The following C1orf21 variants were observed in gnomAD, a reference collection of about 807,000 sequenced individuals.
The protein encoded by C1orf21 is uncharacterized protein C1orf21.
C1orf21 carries 3 observed loss-of-function variants against 18.7 expected under a neutral mutation model. The ratio of observed to expected loss-of-function variants is 0.16; its 90% CI spans 0.07 to 0.42. The LOEUF (loss-of-function observed/expected upper bound fraction) is 0.42. Among genes scored for constraint, C1orf21 ranks in the 10% least tolerant of loss-of-function variants. C1orf21 has a pLI of 0.99. For missense variants in C1orf21, 104 were observed against 143.6 expected (o/e 0.72, Z 1.41); for synonymous variants, 41 against 46.4 (o/e 0.88, Z 0.47).
At chr1:184,501,396 A>G (rs759823504) in intron 2 of C1orf21, among the ~76,000 whole-genome samples, 1 of 152,098 alleles carries the variant, frequency 6.6e-6, no homozygotes, top group Non-Finnish European at 1.5e-5. Flanking sequence ...CTTCCCACAC[A>G]TAGGAGCTGT....
At chr1:184,556,329 A>G (rs182459298) in intron 3 of C1orf21, among the ~76,000 whole-genome samples, 1 of 152,296 alleles carries the variant, frequency 6.6e-6, no homozygotes, top group Admixed American at 6.5e-5. Flanking sequence ...ATCAAAGCAT[A>G]TCCAAAAACC....
intron 3 of C1orf21, among the ~76,000 whole-genome samples, chr1:184,571,147 AT>A (rs1444356740): frequency 1.3e-5 from 2 of 151,828 alleles, no homozygotes; most frequent in South Asian, 2.1e-4. Context: ...ACAAAAAAAA[AT>A]TAGCCGGGCG....
intron 1 of C1orf21, among the ~76,000 whole-genome samples, chr1:184,397,880 A>G (rs915304354): frequency 2.6e-5 from 4 of 152,220 alleles, no homozygotes; most frequent in African/African-American, 9.6e-5. Context: ...AATAGCCATC[A>G]ATTGTAAGAA....
Position 184,620,925 on chromosome 1 carries a change from A to G in C1orf21, c.*1369A>G, listed in dbSNP as rs1213200986. On this transcript the variant is annotated 3_prime_UTR_variant, in exon 6 of 6. Coordinates refer to ENST00000235307, the MANE Select transcript of C1orf21 (RefSeq NM_030806.4). ...AGCTTTGACGAGGGTTCTCTTTGTT[A>G]CTTTCAGGGGAGGGCATCCTATTAA... The G allele has an allele frequency of 2.0e-5, 3 of 152,620 alleles. No homozygotes were observed. The highest frequency in any genetic ancestry group is 7.2e-5 in the African/African-American group (3 of 41,436). The allele number at this position is 152,620 out of a possible 1,614,324, so 9.5% of individuals were successfully genotyped here.
intron 2 of C1orf21, among the ~76,000 whole-genome samples, chr1:184,500,521 G>T (rs188514961): frequency 1.4e-4 from 22 of 152,182 alleles, no homozygotes; most frequent in Non-Finnish European, 8.8e-5. Flanking sequence ...AAAAACATGG[G>T]CAAGACCCTA....
intron 1 of C1orf21, among the ~76,000 whole-genome samples, chr1:184,465,395 A>G (rs1186252495): frequency 6.6e-6 from 1 of 152,244 alleles, no homozygotes; most frequent in South Asian, 2.1e-4. Flanking sequence ...AAAAACAAAT[A>G]AAAATCTGGG....
intron 1 of C1orf21, among the ~76,000 whole-genome samples, chr1:184,411,707 C>G (rs1259296039): frequency 6.6e-6 from 1 of 152,150 alleles, no homozygotes. Flanking sequence ...CAGGCGTGAG[C>G]CACCGCGCCC....
chr1:184,582,788 C>T (rs990468671), intron 3 of C1orf21, among the ~76,000 whole-genome samples: 9 of 152,086 alleles, frequency 5.9e-5, no homozygotes, highest in Non-Finnish European at 1.2e-4. Context: ...GTGTTGTTCC[C>T]TTTAGTATTA....
chr1:184,443,522 C>T (rs1218219798), intron 1 of C1orf21, among the ~76,000 whole-genome samples: 1 of 152,148 alleles, frequency 6.6e-6, no homozygotes, highest in African/African-American at 2.4e-5. Context: ...GCTCCTGAAA[C>T]CCTGAAAAGA....
chr1:184,462,218 A>C (rs1306344228), intron 1 of C1orf21, among the ~76,000 whole-genome samples: 1 of 152,236 alleles, frequency 6.6e-6, no homozygotes. Flanking sequence ...ATGGGTATTC[A>C]GCCTAGGGCA....
chr1:184,595,708 C>G (rs115172464), intron 4 of C1orf21, among the ~76,000 whole-genome samples: 1 of 152,148 alleles, frequency 6.6e-6, no homozygotes, highest in African/African-American at 2.4e-5. Flanking sequence ...TTTGCTCCCC[C>G]GGCAATGTCT....
At chr1:184,454,828 T>C (rs1190296875) in intron 1 of C1orf21, among the ~76,000 whole-genome samples, 1 of 152,128 alleles carries the variant, frequency 6.6e-6, no homozygotes, top group Non-Finnish European at 1.5e-5. Flanking sequence ...CCTCTTTTCT[T>C]TATAAATTAC....
At chr1:184,537,251 C>A (rs1217902815) in intron 3 of C1orf21, among the ~76,000 whole-genome samples, 2 of 152,170 alleles carry the variant, frequency 1.3e-5, no homozygotes, top group Non-Finnish European at 2.9e-5. Context: ...CTTCATCTAG[C>A]AAAACTGAAA....
chr1:184,495,727 C>T (rs1444313076), intron 2 of C1orf21, among the ~76,000 whole-genome samples: 1 of 151,900 alleles, frequency 6.6e-6, no homozygotes, highest in Non-Finnish European at 1.5e-5. Context: ...CAAGACCAGC[C>T]TGGCCAAGAT....
chr1:184,494,426 G>A (rs911400414), intron 2 of C1orf21, among the ~76,000 whole-genome samples: 4 of 152,172 alleles, frequency 2.6e-5, no homozygotes, highest in Admixed American at 6.5e-5. Flanking sequence ...TGACTGCTAC[G>A]TAGGGAATAG....
chr1:184,395,079 C>G (rs1338999474), intron 1 of C1orf21, among the ~76,000 whole-genome samples: 1 of 152,188 alleles, frequency 6.6e-6, no homozygotes, highest in East Asian at 1.9e-4. Flanking sequence ...CCCACCTCCT[C>G]CAAGGAGCCC....
chr1:184,623,333 G>A lies in C1orf21; in HGVS notation c.*3777G>A, dbSNP rs1659953420. ...AAAGGCAAAATAATTGGTATCTAAA[G>A]TTCTCTCCTTCCTGCCTCCCCTAAA... On this transcript the variant is annotated 3_prime_UTR_variant, in exon 6 of 6. Transcript: ENST00000235307. The A allele has an allele frequency of 6.6e-6, 1 of 152,100 alleles. No individual in the cohort carries two copies. The highest frequency in any genetic ancestry group is 2.4e-5 in the African/African-American group (1 of 41,370). 9.4% of individuals were successfully genotyped at this position (152,100 alleles called of 1,614,324 possible). A position where few individuals can be genotyped will look rare whatever the true frequency, so the allele number is the denominator to read the frequency against.
Position 184,590,749 on chromosome 1 carries a change from C to T in C1orf21, c.200C>T (p.Ala67Val). The T allele has an allele frequency of 1.2e-6, 2 of 1,613,776 alleles. No homozygotes were observed. Among genetic ancestry groups the T allele is most frequent in the Non-Finnish European group, 1.7e-6 (2 of 1,179,768 alleles). The change falls in exon 4 of 6, where the codon GCC becomes GTC. Residue 67 changes from alanine to valine, a missense_variant. By Grantham distance (64) the Ala-to-Val change is moderately conservative. Transcript: ENST00000235307. ...GTTTATGTGTTTCAGGAAAAAAGTG[C>T]CAGCTCAAATGTAAGACTTAAAACT... ...ARNQENLEKSASSNVRLKTNK... is the reference protein window; with the variant it reads ...ARNQENLEKSVSSNVRLKTNK...
chr1:184,542,087 T>C (rs1324066076), intron 3 of C1orf21, among the ~76,000 whole-genome samples: 1 of 152,168 alleles, frequency 6.6e-6, no homozygotes, highest in Non-Finnish European at 1.5e-5. Flanking sequence ...GCTTGTCAGT[T>C]ATTGTCACAA....
Sources: gnomAD v4.1 joint callset for allele counts (sites outside exome capture counted in the v4.1 genomes callset) on GRCh38, gnomAD v4.1.1 for gene constraint, MANE v1.5 for transcripts, NCBI Gene and HGNC (gene_info 2026-07-23, HGNC 2026-07-21) for gene names.